Variants in UNC5D observed in about 807,000 individuals in gnomAD.
UNC5D encodes the protein netrin receptor UNC5D.
A neutral mutation model predicts 105.4 loss-of-function variants in UNC5D; 39 were observed. That is an observed-to-expected ratio of 0.37 (90% confidence interval 0.29 to 0.48). The LOEUF (loss-of-function observed/expected upper bound fraction) is 0.48, where lower values mean the gene tolerates loss of function less well. UNC5D is among the 20% of genes least tolerant of loss of function. The pLI, the probability that UNC5D is intolerant of heterozygous loss-of-function variation, is 0.98. For synonymous variants in UNC5D, 452 were observed against 450.4 expected (o/e 1.00, Z -0.04); for missense variants, 991 against 1,202.4 (o/e 0.82, Z 2.60).
intron 1 of UNC5D, among the ~76,000 whole-genome samples, chr8:35,397,619 A>G (rs768363677): frequency 2.6e-5 from 4 of 152,106 alleles, no homozygotes; most frequent in Non-Finnish European, 4.4e-5. Context: ...CTGTTCCCTC[A>G]TCCCAGTGTA....
intron 1 of UNC5D, among the ~76,000 whole-genome samples, chr8:35,380,087 T>TC (rs1554519166): frequency 3.8e-5 from 1 of 26,298 alleles, no homozygotes; most frequent in South Asian, 2.4e-3. Context: ...TAATTGGGGG[T>TC]GGGGGGGGGG....
chr8:35,355,184 C>T (rs552668139), intron 1 of UNC5D, among the ~76,000 whole-genome samples: 1 of 151,998 alleles, frequency 6.6e-6, no homozygotes. Context: ...AATTGATGAC[C>T]AATTCAATTT....
intron 2 of UNC5D, among the ~76,000 whole-genome samples, chr8:35,564,053 C>T (rs1040482971): frequency 1.6e-4 from 25 of 152,134 alleles, no homozygotes; most frequent in African/African-American, 6.0e-4. Flanking sequence ...ACTATATTGA[C>T]ATGTAGTTTT....
rs559978742 is a variant in UNC5D at position 35,310,476 on chromosome 8, C to T, written c.103+74589C>T. On this transcript the variant is annotated intron_variant, in intron 1 of 16. Coordinates refer to ENST00000404895, the MANE Select transcript of UNC5D (RefSeq NM_080872.4). Reference sequence around the variant, plus strand: ...CTCTAATAAAAATTCAAAAATCTGCCGGGTGTGGTAACGCATCCCTGTAAT... The same window carrying T: ...CTCTAATAAAAATTCAAAAATCTGCTGGGTGTGGTAACGCATCCCTGTAAT... 1.4e-4 allele frequency among the ~76,000 whole-genome samples: 21 copies of T among 152,050 alleles called. No homozygotes were observed. In the East Asian group the frequency reaches 3.5e-3, roughly 25 times the overall value.
At chr8:35,320,901 ATGG>A (rs1420139794) in intron 1 of UNC5D, among the ~76,000 whole-genome samples, 1 of 152,112 alleles carries the variant, frequency 6.6e-6, no homozygotes, top group Non-Finnish European at 1.5e-5. Context: ...TGACTAACCA[ATGG>A]TATTTCTGTA....
At chr8:35,749,288 C>G (rs1204600016) in intron 12 of UNC5D, among the ~76,000 whole-genome samples, 1 of 152,114 alleles carries the variant, frequency 6.6e-6, no homozygotes, top group Non-Finnish European at 1.5e-5. Context: ...AAGACATTAA[C>G]AACAGGGAAG....
chr8:35,766,387 A>C (rs1021655974), intron 14 of UNC5D, among the ~76,000 whole-genome samples: 1 of 151,980 alleles, frequency 6.6e-6, no homozygotes, highest in Non-Finnish European at 1.5e-5. Flanking sequence ...ACTGGGTATT[A>C]ATTTTTATGT....
intron 1 of UNC5D, among the ~76,000 whole-genome samples, chr8:35,421,102 T>C (rs1194641003): frequency 6.6e-6 from 1 of 152,174 alleles, no homozygotes; most frequent in Admixed American, 6.5e-5. Flanking sequence ...CTACCTCTTC[T>C]GTGCCCATAT....
chr8:35,661,365 A>G (rs1433795624), intron 4 of UNC5D, among the ~76,000 whole-genome samples: 2 of 152,116 alleles, frequency 1.3e-5, no homozygotes, highest in East Asian at 3.9e-4. Flanking sequence ...TGGAGTAGGC[A>G]GGTTGGTTCT....
At chr8:35,271,126 G>A (rs1351083716) in intron 1 of UNC5D, among the ~76,000 whole-genome samples, 2 of 150,154 alleles carry the variant, frequency 1.3e-5, no homozygotes, top group Non-Finnish European at 3.0e-5. Context: ...TCCTTAACAG[G>A]AATGCAAAAA....
intron 1 of UNC5D, among the ~76,000 whole-genome samples, chr8:35,471,717 G>T (rs915939665): frequency 6.6e-6 from 1 of 152,150 alleles, no homozygotes; most frequent in Non-Finnish European, 1.5e-5. Context: ...TTGTGATGCA[G>T]TAGACCACAA....
At chr8:35,629,450 T>C (rs1410394796) in intron 4 of UNC5D, among the ~76,000 whole-genome samples, 1 of 152,192 alleles carries the variant, frequency 6.6e-6, no homozygotes, top group East Asian at 1.9e-4. Flanking sequence ...AATCAAATAC[T>C]GCATTTTCTC....
At chr8:35,641,299 A>G (rs1822695944) in intron 4 of UNC5D, among the ~76,000 whole-genome samples, 1 of 150,872 alleles carries the variant, frequency 6.6e-6, no homozygotes, top group African/African-American at 2.4e-5. Flanking sequence ...ATCTCGTTTC[A>G]ATTTTAGGGC....
At chr8:35,639,866 C>A (rs1389766451) in intron 4 of UNC5D, among the ~76,000 whole-genome samples, 2 of 151,890 alleles carry the variant, frequency 1.3e-5, no homozygotes, top group African/African-American at 4.8e-5. Flanking sequence ...CACCTATAGG[C>A]ATGCACCCCC....
intron 1 of UNC5D, among the ~76,000 whole-genome samples, chr8:35,343,376 T>C: frequency 6.6e-6 from 1 of 152,128 alleles, no homozygotes; most frequent in Non-Finnish European, 1.5e-5. Flanking sequence ...GCTAACCTGA[T>C]GGGCAAATAA....
At chr8:35,293,311 G>A (rs1430841619) in intron 1 of UNC5D, among the ~76,000 whole-genome samples, 1 of 152,132 alleles carries the variant, frequency 6.6e-6, no homozygotes, top group African/African-American at 2.4e-5. Flanking sequence ...ATAGGCTACT[G>A]ATACTCCTTC....
chr8:35,303,895 TC>T (rs1411205179), intron 1 of UNC5D, among the ~76,000 whole-genome samples: 1 of 152,186 alleles, frequency 6.6e-6, no homozygotes, highest in African/African-American at 2.4e-5. Flanking sequence ...ACTCAGGTTC[TC>T]TAGTTGTATT....
At chr8:35,559,269 G>A (rs1313644523) in intron 2 of UNC5D, among the ~76,000 whole-genome samples, 7 of 152,140 alleles carry the variant, frequency 4.6e-5, no homozygotes, top group African/African-American at 1.7e-4. Flanking sequence ...TAGTTAGCTG[G>A]TCATTTACTG....
At chr8:35,355,604 G>T (rs1489763761) in intron 1 of UNC5D, among the ~76,000 whole-genome samples, 2 of 152,100 alleles carry the variant, frequency 1.3e-5, no homozygotes, top group East Asian at 1.9e-4. Flanking sequence ...TTAACGTTGG[G>T]TGTTATTTCC....
Sources: gnomAD v4.1 joint callset for allele counts (sites outside exome capture counted in the v4.1 genomes callset) on GRCh38, gnomAD v4.1.1 for gene constraint, MANE v1.5 for transcripts, NCBI Gene and HGNC (gene_info 2026-07-23, HGNC 2026-07-21) for gene names.